VIPR2: variants seen among roughly 807,000 people sequenced by gnomAD.
VIPR2 encodes vasoactive intestinal peptide receptor 2, also known as vasoactive intestinal polypeptide receptor 2.
Under a neutral mutation model 58.0 loss-of-function variants are expected in VIPR2, and 48 were observed. That is an observed-to-expected ratio of 0.83 (90% confidence interval 0.66 to 1.05). The LOEUF (loss-of-function observed/expected upper bound fraction) is 1.05. Among genes scored for constraint, VIPR2 ranks in the 50% least tolerant of loss-of-function variants. The pLI, the probability that VIPR2 is intolerant of heterozygous loss-of-function variation, is 0.00. For missense variants in VIPR2, 534 were observed against 558.0 expected (o/e 0.96, Z 0.43); for synonymous variants, 243 against 235.2 (o/e 1.03, Z -0.30).
intron 2 of VIPR2, among the ~76,000 whole-genome samples, chr7:159,131,856 A>T (rs1290769430): frequency 6.6e-6 from 1 of 152,256 alleles, no homozygotes; most frequent in African/African-American, 2.4e-5. Flanking sequence ...TGATTTGCAG[A>T]CATAAGCGAC....
intron 1 of VIPR2, among the ~76,000 whole-genome samples, chr7:159,143,615 A>G (rs1024326196): frequency 6.6e-6 from 1 of 152,246 alleles, no homozygotes; most frequent in African/African-American, 2.4e-5. Flanking sequence ...AACCAGCACC[A>G]GGCACTGACT....
intron 4 of VIPR2, among the ~76,000 whole-genome samples, chr7:159,081,656 G>T (rs547460475): frequency 6.6e-6 from 1 of 152,184 alleles, no homozygotes; most frequent in East Asian, 1.9e-4. Flanking sequence ...CACAGCAAAA[G>T]AAACCACCAT....
At chr7:159,082,802 A>G (rs1323138515) in intron 4 of VIPR2, among the ~76,000 whole-genome samples, 1 of 140,558 alleles carries the variant, frequency 7.1e-6, no homozygotes, top group African/African-American at 2.9e-5. Flanking sequence ...AGACAGGCAG[A>G]CAGACAAACA....
At chr7:159,072,429 A>C (rs1856454256) in intron 4 of VIPR2, among the ~76,000 whole-genome samples, 1 of 152,274 alleles carries the variant, frequency 6.6e-6, no homozygotes, top group Non-Finnish European at 1.5e-5. Context: ...AACATTTCAA[A>C]ACATTGTCAA....
At chr7:159,038,345 T>A (rs1854104404) in intron 6 of VIPR2, among the ~76,000 whole-genome samples, 2 of 152,196 alleles carry the variant, frequency 1.3e-5, no homozygotes. Flanking sequence ...AGGTGAGAGT[T>A]ACCCTTATTG....
chr7:159,048,122 T>G (rs1321075623), intron 5 of VIPR2, among the ~76,000 whole-genome samples: 2 of 152,190 alleles, frequency 1.3e-5, no homozygotes, highest in African/African-American at 2.4e-5. Context: ...CCATTTAAAC[T>G]GGCAGAAAAA....
intron 4 of VIPR2, among the ~76,000 whole-genome samples, chr7:159,069,136 G>A (rs1464295943): frequency 1.3e-5 from 2 of 152,170 alleles, no homozygotes; most frequent in Non-Finnish European, 2.9e-5. Context: ...GCTCCTGGCT[G>A]TGCGGTGTCC....
chr7:159,120,140 A>G (rs1285808940), intron 2 of VIPR2, among the ~76,000 whole-genome samples: 1 of 152,202 alleles, frequency 6.6e-6, no homozygotes, highest in Non-Finnish European at 1.5e-5. Flanking sequence ...CGGCCCACAC[A>G]GCCGTGCCTG....
chr7:159,039,843 C>T (rs146024189), intron 6 of VIPR2, among the ~76,000 whole-genome samples: 161 of 152,292 alleles, frequency 1.1e-3, no homozygotes, highest in African/African-American at 3.0e-3. Context: ...TCCATAAAGA[C>T]GCATGTCCGG....
chr7:159,112,481 G>T (rs1585524445), intron 2 of VIPR2, among the ~76,000 whole-genome samples: 1 of 152,246 alleles, frequency 6.6e-6, no homozygotes, highest in African/African-American at 2.4e-5. Context: ...TCACGCAAAG[G>T]ACAGCCAAAA....
chr7:159,030,647 G>A lies in VIPR2; in HGVS notation c.1286C>T (p.Ser429Phe), dbSNP rs200052217. 6 of 1,556,964 alleles carry A rather than the reference G, an allele frequency of 3.9e-6. No individual in the cohort carries two copies. The Admixed American group carries it at 5.8e-5, about 15-fold the overall frequency. ...GACCGAGGTCTCCGTTTGCAGGAAG[G>A]ACTGGGCGCGGGAGCCGCGGTGGAA... ...LQFHRGSRAQ[S>F]FLQTETSVI The change falls in exon 13 of 13, where the codon TCC (serine) becomes TTC (phenylalanine). Residue 429 changes from serine to phenylalanine, a missense_variant. Transcript: ENST00000262178.
At chr7:159,047,606 G>T (rs1854733808) in intron 5 of VIPR2, among the ~76,000 whole-genome samples, 1 of 152,106 alleles carries the variant, frequency 6.6e-6, no homozygotes, top group Non-Finnish European at 1.5e-5. Context: ...TTCCATTATT[G>T]CTTCTTTCCA....
chr7:159,114,822 A>G (rs1796175346), intron 2 of VIPR2, among the ~76,000 whole-genome samples: 1 of 141,406 alleles, frequency 7.1e-6, no homozygotes, highest in Admixed American at 7.0e-5. Flanking sequence ...AGAGGGAGAG[A>G]GAAAGGAAGG....
intron 4 of VIPR2, among the ~76,000 whole-genome samples, chr7:159,079,041 T>C (rs1164045911): frequency 1.3e-5 from 2 of 151,914 alleles, no homozygotes; most frequent in Non-Finnish European, 2.9e-5. Flanking sequence ...TCAGTGTCCA[T>C]GGAGGAAGGA....
chr7:159,080,317 G>A lies in VIPR2; in HGVS notation c.358-21739C>T, dbSNP rs1285727152. Reference sequence around the variant, plus strand: ...GGGATGCAAGGCTGGTTCAACATACGAAAATCAATAAACGTAATCCAGCAT... The same window carrying A: ...GGGATGCAAGGCTGGTTCAACATACAAAAATCAATAAACGTAATCCAGCAT... On this transcript the variant is annotated intron_variant, in intron 4 of 12. Transcript: ENST00000262178. 5.9e-5 allele frequency among the ~76,000 whole-genome samples: 9 copies of A among 152,100 alleles called. 1 individual carries two copies. The East Asian group carries it at 7.7e-4, about 13-fold the overall frequency.
chr7:159,054,573 CCAGGGAAAT>C (rs1855193636), intron 5 of VIPR2, among the ~76,000 whole-genome samples: 1 of 152,122 alleles, frequency 6.6e-6, no homozygotes, highest in African/African-American at 2.4e-5. Context: ...TCATTTTCCA[CCAGGGAAAT>C]CAGGGAAATG....
intron 10 of VIPR2, among the ~76,000 whole-genome samples, chr7:159,033,386 C>T (rs1393785032): frequency 6.6e-6 from 1 of 152,236 alleles, no homozygotes; most frequent in African/African-American, 2.4e-5. Context: ...CGCCCTTCCA[C>T]CCCCGGTCAG....
chr7:159,122,889 T>C (rs766916559), intron 2 of VIPR2, among the ~76,000 whole-genome samples: 2 of 152,158 alleles, frequency 1.3e-5, no homozygotes, highest in Non-Finnish European at 2.9e-5. Flanking sequence ...AGATTTGTTA[T>C]ATAGGTAAAC....
At chr7:159,051,339 G>A (rs1481189797) in intron 5 of VIPR2, among the ~76,000 whole-genome samples, 4 of 152,214 alleles carry the variant, frequency 2.6e-5, no homozygotes, top group African/African-American at 7.2e-5. Flanking sequence ...GGTAAAAGTA[G>A]TTACTGGAGG....
Sources: gnomAD v4.1 joint callset for allele counts (sites outside exome capture counted in the v4.1 genomes callset) on GRCh38, gnomAD v4.1.1 for gene constraint, MANE v1.5 for transcripts, NCBI Gene and HGNC (gene_info 2026-07-23, HGNC 2026-07-21) for gene names.